Variants in ECD observed in about 807,000 individuals in gnomAD.
ECD encodes the protein protein ecdysoneless homolog.
Under a neutral mutation model 77.2 loss-of-function variants are expected in ECD, and 59 were observed. That is an observed-to-expected ratio of 0.76 (90% CI 0.62 to 0.95). The LOEUF (loss-of-function observed/expected upper bound fraction) is 0.95, where lower values mean the gene tolerates loss of function less well. Ranked by LOEUF, ECD falls within the 40% of genes least tolerant of loss-of-function variation. The pLI is 0.00. For missense variants in ECD, 704 were observed against 763.4 expected (o/e 0.92, Z 0.92); for synonymous variants, 233 against 267.4 (o/e 0.87, Z 1.26).
chr10:73,167,342 T>C (rs567289178), intron 1 of ECD, among the ~76,000 whole-genome samples: 1 of 152,316 alleles, frequency 6.6e-6, no homozygotes, highest in African/African-American at 2.4e-5. Context: ...AGAATGTCAC[T>C]GGTATTTTGA....
At chr10:73,147,155 G>A (rs1016728718) in intron 8 of ECD, among the ~76,000 whole-genome samples, 13 of 152,172 alleles carry the variant, frequency 8.5e-5, no homozygotes, top group Admixed American at 7.9e-4. Flanking sequence ...TGAGGCAGGA[G>A]GATCACTTGA....
intron 1 of ECD, among the ~76,000 whole-genome samples, chr10:73,165,452 A>G (rs1843443042): frequency 6.6e-6 from 1 of 151,646 alleles, no homozygotes; most frequent in Non-Finnish European, 1.5e-5. Context: ...CCCAGGTTCA[A>G]GCGATTCTTT....
Position 73,138,048 on chromosome 10 carries a change from T to G in ECD, c.1444A>C (p.Thr482Pro). ...LPREPSEAPI[T>P]FDADSFLNYF... The stretch of plus-strand genomic sequence containing the variant: ...TTAAGAAAAGAATCTGCATCAAAAG[T>G]GATTGGAGCCTCAGAAGGTTCTCTG... The change falls in exon 12 of 14, where the codon ACT becomes CCT. Residue 482 changes from threonine (T) to proline (P), a missense_variant. This residue lies in a region of ECD where 559 missense variants were observed against 583.7 expected (regional missense o/e 0.96). Transcript: ENST00000372979. 2 of 1,598,700 alleles carry G rather than the reference T, an allele frequency of 1.3e-6. No homozygotes were observed. Among genetic ancestry groups the G allele is most frequent in the Non-Finnish European group, 1.7e-6 (2 of 1,174,880 alleles).
chr10:73,162,594 G>A (rs929903673), intron 2 of ECD, among the ~76,000 whole-genome samples: 1 of 152,092 alleles, frequency 6.6e-6, no homozygotes, highest in Non-Finnish European at 1.5e-5. Context: ...TAACAGATAC[G>A]CACTAAACTG....
At chr10:73,161,524 C>T (rs939159553) in intron 2 of ECD, among the ~76,000 whole-genome samples, 4 of 152,124 alleles carry the variant, frequency 2.6e-5, no homozygotes, top group African/African-American at 9.7e-5. Context: ...AAAATCTGAA[C>T]AGATCTATAA....
rs764936819 is a variant in ECD at position 73,156,352 on chromosome 10, C to A, written c.513G>T (p.Leu171Phe). 1.9e-6 allele frequency: 3 copies of A among 1,613,904 alleles called. No homozygotes were observed. The highest frequency in any genetic ancestry group is 2.5e-6 in the Non-Finnish European group (3 of 1,179,970). ...TTTCTGAATGTGCTGTGATTATATT[C>A]AATGCTTGTGGAATTGTTGGGGGTG... ...PTTPPTIPQA[L>F]NIITAHSEKI... The change falls in exon 5 of 14, where the codon TTG (leucine) becomes TTT (phenylalanine). Residue 171 changes from leucine (L) to phenylalanine (F), a missense_variant. Transcript: ENST00000372979.
chr10:73,150,077 G>C (rs1336394158), intron 7 of ECD, among the ~76,000 whole-genome samples: 1 of 152,092 alleles, frequency 6.6e-6, no homozygotes, highest in Admixed American at 6.5e-5. Flanking sequence ...TCAATCCTAA[G>C]CCAAAAGAAC....
chr10:73,145,173 G>T (rs1338891424), intron 9 of ECD, among the ~76,000 whole-genome samples: 1 of 152,098 alleles, frequency 6.6e-6, no homozygotes, highest in Non-Finnish European at 1.5e-5. Flanking sequence ...AGACCAGTCT[G>T]GCCAACATGG....
intron 7 of ECD, among the ~76,000 whole-genome samples, chr10:73,152,017 T>C (rs1843215478): frequency 6.6e-6 from 1 of 152,184 alleles, no homozygotes; most frequent in East Asian, 1.9e-4. Context: ...TTTCAAATTG[T>C]ATAGTTTCAA....
At chr10:73,162,652 T>C (rs1843396659) in intron 2 of ECD, among the ~76,000 whole-genome samples, 1 of 152,166 alleles carries the variant, frequency 6.6e-6, no homozygotes, top group South Asian at 2.1e-4. Context: ...GGGGGGTATA[T>C]CTTGTGATGG....
Position 73,160,482 on chromosome 10 carries a change from A to G in ECD, c.275T>C (p.Val92Ala). 6.2e-7 allele frequency: 1 copy of G among 1,611,232 alleles called. No homozygotes were observed. The highest frequency in any genetic ancestry group is 8.5e-7 in the Non-Finnish European group (1 of 1,178,790). Reference sequence around the variant, plus strand: ...CTTTGTGATCTGCTTTATTACATAAACAATAAACCATTCATCCTCAATGTT... The same window carrying G: ...CTTTGTGATCTGCTTTATTACATAAGCAATAAACCATTCATCCTCAATGTT... ...GDNIEDEWFI[V>A]YVIKQITKEF... The change falls in exon 3 of 14, where the codon GTT becomes GCT. Residue 92 changes from valine (V) to alanine (A), a missense_variant. Val to Ala is a moderately conservative substitution (Grantham distance 64). This residue lies in a region of ECD where 559 missense variants were observed against 583.7 expected (regional missense o/e 0.96). Transcript: ENST00000372979.
At chr10:73,159,087 G>A (rs1843340698) in intron 3 of ECD, among the ~76,000 whole-genome samples, 1 of 152,138 alleles carries the variant, frequency 6.6e-6, no homozygotes, top group Non-Finnish European at 1.5e-5. Context: ...CTACTTTAAT[G>A]TATGTTTAAA....
chr10:73,166,049 A>G (rs1392584853), intron 1 of ECD, among the ~76,000 whole-genome samples: 1 of 152,168 alleles, frequency 6.6e-6, no homozygotes, highest in Non-Finnish European at 1.5e-5. Flanking sequence ...TAGCTCCTAC[A>G]AATTAGTGAG....
chr10:73,159,592 T>C (rs1358409846), intron 3 of ECD, among the ~76,000 whole-genome samples: 1 of 151,972 alleles, frequency 6.6e-6, no homozygotes, highest in East Asian at 1.9e-4. Flanking sequence ...CTAAAATAAG[T>C]AGGTTTTATT....
At position 73,134,759 on chromosome 10, in the gene ECD, C is replaced by G. The variant is rs1390627710; in HGVS notation, c.1759G>C (p.Gly587Arg). 2.5e-6 allele frequency: 4 copies of G among 1,614,010 alleles called. No individual in the cohort carries two copies. In the South Asian group the frequency reaches 4.4e-5, roughly 18 times the overall value. The change falls in exon 14 of 14, where the codon GGA (glycine) becomes CGA (arginine). Residue 587 changes from glycine to arginine, a missense_variant. Gly to Arg is a moderately radical substitution (Grantham distance 125, BLOSUM62 -2). Around this residue, in one of 3 missense-constraint regions of ECD, gnomAD observed 142 missense variants for 163.6 expected, o/e 0.87. Coordinates refer to ENST00000372979, the MANE Select transcript of ECD (RefSeq NM_007265.3). ...NNSDEEDSGT[G>R]ESVMAPVDVD... The stretch of plus-strand genomic sequence containing the variant: ...TCTACTGGTGCCATAACAGATTCTC[C>G]CGTACCAGAATCTTCCTCATCTGAA...
chr10:73,142,309 T>C (rs573241187), intron 9 of ECD, among the ~76,000 whole-genome samples: 20 of 152,052 alleles, frequency 1.3e-4, no homozygotes, highest in Non-Finnish European at 2.5e-4. Context: ...GTGCCCGGCC[T>C]ATTTGTTTAT....
At position 73,139,727 on chromosome 10, in the gene ECD, T is replaced by C. The variant is rs1843027550; in HGVS notation, c.1138A>G (p.Met380Val). Residue 380 changes from methionine to valine, a missense_variant, in exon 10 of 14, where the codon ATG becomes GTG. Met to Val is a conservative substitution (Grantham distance 21, BLOSUM62 1). This residue lies in a region of ECD where 559 missense variants were observed against 583.7 expected (regional missense o/e 0.96). Transcript: ENST00000372979. ...SVDWPESSLA[M>V]SPGEEILTLL... ...GTTAAGATTTCTTCACCAGGGCTCA[T>C]AGCAAGAGAACTATGAAAAATAAAA... 12 of 1,597,460 alleles carry C rather than the reference T, an allele frequency of 7.5e-6. No individual in the cohort carries two copies. The highest frequency in any genetic ancestry group is 4.1e-5 in the African/African-American group (3 of 73,910).
At chr10:73,154,509 C>G in intron 5 of ECD, 61 bp from the exon 6 acceptor site, 2 of 1,422,994 alleles carry the variant, frequency 1.4e-6, no homozygotes, top group Non-Finnish European at 1.9e-6. Context: ...AATTCTTATA[C>G]CATTCACATT....
At chr10:73,141,551 A>T (rs1843059117) in intron 9 of ECD, 1 of 152,354 alleles carries the variant, frequency 6.6e-6, no homozygotes, top group Non-Finnish European at 1.5e-5. Flanking sequence ...AAAAATCCTC[A>T]TTCTTTAAGA....
Sources: allele counts gnomAD v4.1 joint callset (sites outside exome capture counted in the v4.1 genomes callset), GRCh38; gene constraint gnomAD v4.1.1; regional missense constraint gnomAD v4.1.1; transcripts MANE v1.5; gene names NCBI Gene and HGNC (gene_info 2026-07-23, HGNC 2026-07-21).